CSMD3: variants seen among roughly 807,000 people sequenced by gnomAD.
CSMD3 encodes CUB and Sushi multiple domains 3.
CSMD3 carries 177 observed loss-of-function variants against 435.2 expected under a neutral mutation model. That is an observed-to-expected ratio of 0.41 (90% CI 0.36 to 0.46). CSMD3 has a LOEUF of 0.46. Ranked by LOEUF, CSMD3 falls within the 20% of genes least tolerant of loss-of-function variation. CSMD3 has a pLI of 0.34. For missense variants in CSMD3, 4,265 were observed against 4,504.6 expected (o/e 0.95, Z 1.52); for synonymous variants, 1,656 against 1,520.5 (o/e 1.09, Z -2.07).
chr8:113,023,396 G>A (rs946803231), intron 5 of CSMD3, among the ~76,000 whole-genome samples: 1 of 150,988 alleles, frequency 6.6e-6, no homozygotes, highest in African/African-American at 2.4e-5. Flanking sequence ...AATTTTACTT[G>A]TCTCTCTCTC....
chr8:112,732,584 T>A (rs2077097342), intron 13 of CSMD3, among the ~76,000 whole-genome samples: 1 of 150,472 alleles, frequency 6.6e-6, no homozygotes, highest in Non-Finnish European at 1.5e-5. Context: ...TACAAAATAT[T>A]AGCTGGGCAT....
intron 9 of CSMD3, among the ~76,000 whole-genome samples, chr8:112,937,387 G>A (rs1564125187): frequency 1.5e-5 from 2 of 135,358 alleles, no homozygotes; most frequent in African/African-American, 5.6e-5. Flanking sequence ...GTCTCTCTCT[G>A]TCGCCTAATT....
At chr8:113,274,799 T>C (rs1049465649) in intron 3 of CSMD3, among the ~76,000 whole-genome samples, 10 of 140,628 alleles carry the variant, frequency 7.1e-5, no homozygotes, top group African/African-American at 2.7e-4. Context: ...TAACATTAAG[T>C]CATTAATCAC....
intron 1 of CSMD3, among the ~76,000 whole-genome samples, chr8:113,415,857 T>G (rs1024306158): frequency 6.6e-6 from 1 of 152,086 alleles, no homozygotes; most frequent in East Asian, 1.9e-4. Context: ...AATAGTAAAC[T>G]CTTTAAGCTG....
chr8:112,302,462 T>C (rs1226894095), intron 52 of CSMD3, among the ~76,000 whole-genome samples: 1 of 152,110 alleles, frequency 6.6e-6, no homozygotes, highest in African/African-American at 2.4e-5. Context: ...ATATTTGATT[T>C]TCATGAGATC....
chr8:112,761,056 C>T (rs2077826387), intron 13 of CSMD3, among the ~76,000 whole-genome samples: 1 of 152,152 alleles, frequency 6.6e-6, no homozygotes. Context: ...TCACTTATAT[C>T]CCTTTTCAAC....
At chr8:112,501,709 T>C (rs890463114) in intron 30 of CSMD3, among the ~76,000 whole-genome samples, 1 of 152,162 alleles carries the variant, frequency 6.6e-6, no homozygotes, top group African/African-American at 2.4e-5. Flanking sequence ...AAAAAGAATC[T>C]CACAGATATG....
At chr8:113,370,858 T>A (rs1308293045) in intron 1 of CSMD3, among the ~76,000 whole-genome samples, 2 of 152,016 alleles carry the variant, frequency 1.3e-5, no homozygotes, top group African/African-American at 4.8e-5. Flanking sequence ...TCTGAAGAGT[T>A]TGGTTGTATC....
intron 10 of CSMD3, among the ~76,000 whole-genome samples, chr8:112,908,083 A>G (rs1009950377): frequency 1.3e-5 from 2 of 151,480 alleles, no homozygotes; most frequent in Non-Finnish European, 3.0e-5. Context: ...ACAGCAAATC[A>G]TCTATTTGTC....
intron 36 of CSMD3, among the ~76,000 whole-genome samples, chr8:112,384,574 A>G (rs1343591564): frequency 6.6e-6 from 1 of 152,222 alleles, no homozygotes; most frequent in East Asian, 1.9e-4. Context: ...TTAAGCTAAA[A>G]TCTGTTAAAA....
chr8:113,234,940 T>G (rs2093130501), intron 3 of CSMD3, among the ~76,000 whole-genome samples: 1 of 152,074 alleles, frequency 6.6e-6, no homozygotes, highest in Admixed American at 6.6e-5. Context: ...GGTTCGACCA[T>G]GCCACCAGCC....
At chr8:112,379,620 A>G (rs1276661318) in intron 38 of CSMD3, among the ~76,000 whole-genome samples, 2 of 152,230 alleles carry the variant, frequency 1.3e-5, no homozygotes, top group African/African-American at 4.8e-5. Context: ...TACAGATTCA[A>G]CTAGATGCTT....
Position 113,071,139 on chromosome 8 carries a change from G to A in CSMD3, c.917+27617C>T, listed in dbSNP as rs200813112. On this transcript the variant is annotated intron_variant, in intron 5 of 70. Coordinates refer to ENST00000297405, the MANE Select transcript of CSMD3 (RefSeq NM_198123.2). ...CCTCACTTGGGAAATATCTGTTCAAGCGTTTTGCCCATTTAAAAAAAAATC... is the reference window on the plus strand; with the variant it reads ...CCTCACTTGGGAAATATCTGTTCAAACGTTTTGCCCATTTAAAAAAAAATC... Among the ~76,000 whole-genome samples, 7 of 151,990 alleles carry A rather than the reference G, an allele frequency of 4.6e-5. No homozygotes were observed. In the East Asian group the frequency reaches 9.7e-4, roughly 21 times the overall value.
intron 42 of CSMD3, among the ~76,000 whole-genome samples, chr8:112,340,243 T>C (rs1006150436): frequency 6.6e-6 from 1 of 152,220 alleles, no homozygotes; most frequent in Non-Finnish European, 1.5e-5. Flanking sequence ...CCCAATTGTT[T>C]TAAAAATAAT....
intron 1 of CSMD3, among the ~76,000 whole-genome samples, chr8:113,344,001 T>A (rs537736084): frequency 3.9e-4 from 59 of 152,150 alleles, no homozygotes; most frequent in Non-Finnish European, 8.1e-4. Flanking sequence ...AACAATCAAA[T>A]TATCACATCC....
chr8:113,257,853 T>A (rs1205353957), intron 3 of CSMD3, among the ~76,000 whole-genome samples: 1 of 152,202 alleles, frequency 6.6e-6, no homozygotes, highest in Non-Finnish European at 1.5e-5. Flanking sequence ...TGAGTCTTTA[T>A]AAACATACTG....
chr8:112,225,065 G>C (rs1812447943), intron 70 of CSMD3, 135 bp from the exon 71 acceptor site: 4 of 858,736 alleles, frequency 4.7e-6, no homozygotes, highest in Non-Finnish European at 7.7e-6. Context: ...AACACACTAA[G>C]TCAACTTGAA....
chr8:113,334,083 T>G (rs1248601318), intron 1 of CSMD3, among the ~76,000 whole-genome samples: 1 of 151,810 alleles, frequency 6.6e-6, no homozygotes, highest in Non-Finnish European at 1.5e-5. Flanking sequence ...TATACAAAAA[T>G]TACGATTTTT....
rs567888292 is a variant in CSMD3 at position 112,578,092 on chromosome 8, CAA to C, written c.3886-4437_3886-4436del. On this transcript the variant is annotated intron_variant, in intron 23 of 70. Coordinates refer to ENST00000297405, the MANE Select transcript of CSMD3 (RefSeq NM_198123.2). ...TTTTCTAAAAAGGTGAATTAGATGT[CAA>C]GTTTGCATATAAAATAAAGAACAAT... Among the ~76,000 whole-genome samples the C allele has an allele frequency of 3.0e-4, 45 of 151,940 alleles. No individual in the cohort carries two copies. The East Asian group carries it at 7.8e-3, about 26-fold the overall frequency.
Sources: allele counts gnomAD v4.1 joint callset (sites outside exome capture counted in the v4.1 genomes callset), GRCh38; gene constraint gnomAD v4.1.1; transcripts MANE v1.5; gene names NCBI Gene and HGNC (gene_info 2026-07-23, HGNC 2026-07-21).